Variants in RHBDF2 observed in about 807,000 individuals in gnomAD.
The protein encoded by RHBDF2 is inactive rhomboid protein 2.
Under a neutral mutation model 95.2 loss-of-function variants are expected in RHBDF2, and 38 were observed. The ratio of observed to expected loss-of-function variants is 0.40; its 90% CI spans 0.31 to 0.52. RHBDF2 has a LOEUF of 0.52. RHBDF2 is among the 20% of genes least tolerant of loss of function. The pLI is 0.56. For missense variants in RHBDF2, 863 were observed against 1,137.7 expected (o/e 0.76, Z 3.47); for synonymous variants, 442 against 462.0 (o/e 0.96, Z 0.55).
rs1003036329 is a variant in RHBDF2, at chr17:76,477,720, C to T, written c.738G>A (p.Pro246=). The T allele has an allele frequency of 1.3e-5, 21 of 1,614,054 alleles. No homozygotes were observed. Among genetic ancestry groups the T allele is most frequent in the African/African-American group, 1.2e-4 (9 of 75,056 alleles). The stretch of plus-strand genomic sequence containing the variant: ...CGACCACATCCTCCTCCAGGAAGCT[C>T]GGGAAGGCAAAGCTGCGCTTGACCA... ...CRVVKRSFAF[P]SFLEEDVVDG... The change falls in exon 7 of 19, where the codon CCG becomes CCA. Residue 246 remains proline, a synonymous_variant. Coordinates refer to ENST00000675367, the MANE Select transcript of RHBDF2 (RefSeq NM_001005498.4).
At position 76,474,739 on chromosome 17, in the gene RHBDF2, G is replaced by C. The variant is rs1385348928; in HGVS notation, c.1293C>G (p.Gly431=). Residue 431 remains glycine (G), a synonymous_variant, in exon 11 of 19, where the codon GGC becomes GGG. Transcript: ENST00000675367. ...KYIQQENFWV[G]PSSIDLIHLG... The stretch of plus-strand genomic sequence containing the variant: ...CAGCCTGGGCCCTCACCGAGCTGGG[G>C]CCAACCCAGAAGTTCTCCTGCTGGA... 4.3e-6 allele frequency: 7 copies of C among 1,614,084 alleles called. No homozygotes were observed. Among genetic ancestry groups the C allele is most frequent in the African/African-American group, 1.3e-5 (1 of 74,944 alleles).
At chr17:76,482,470 A>AT (rs1323446858) in intron 2 of RHBDF2, among the ~76,000 whole-genome samples, 1 of 151,128 alleles carries the variant, frequency 6.6e-6, no homozygotes, top group Non-Finnish European at 1.5e-5. Context: ...GCCCCAGTTC[A>AT]TTTTTCAAAG....
rs566447735 is a variant in RHBDF2, at chr17:76,479,548, C to T, written c.272+185G>A. Reference sequence around the variant, plus strand: ...CCCCAGCCTCCACACCGTGATATTCCGCAAAGCACATACCCATTTCCCCAT... The same window carrying T: ...CCCCAGCCTCCACACCGTGATATTCTGCAAAGCACATACCCATTTCCCCAT... On this transcript the variant is annotated intron_variant, in intron 4 of 18. Transcript: ENST00000675367. 1.1e-4 allele frequency: 81 copies of T among 738,708 alleles called. No individual in the cohort carries two copies. In the East Asian group the frequency reaches 1.4e-3, roughly 13 times the overall value. 45.8% of individuals were successfully genotyped at this position (738,708 alleles called of 1,614,324 possible). A position where few individuals can be genotyped will look rare whatever the true frequency, so the allele number is the denominator to read the frequency against.
intron 2 of RHBDF2, among the ~76,000 whole-genome samples, chr17:76,487,027 G>C (rs12946745): frequency 0.62 from 87,384 of 141,420 alleles, 26,686 homozygotes; most frequent in Middle Eastern, 0.79. Context: ...GGCACGATCT[G>C]AGCTCACTGC....
chr17:76,473,614 T>G, intron 15 of RHBDF2, 34 bp downstream of exon 15: 1 of 1,553,378 alleles, frequency 6.4e-7, no homozygotes, highest in Non-Finnish European at 8.7e-7. Context: ...GGGGGGGCAG[T>G]GGGATGGCTG....
intron 1 of RHBDF2, among the ~76,000 whole-genome samples, chr17:76,490,504 G>A (rs1333744951): frequency 6.6e-6 from 1 of 152,132 alleles, no homozygotes; most frequent in Admixed American, 6.5e-5. Flanking sequence ...GGCCTCCTTT[G>A]GGACCAGGGT....
At chr17:76,492,286 C>A (rs1007322728) in intron 1 of RHBDF2, among the ~76,000 whole-genome samples, 2 of 152,182 alleles carry the variant, frequency 1.3e-5, no homozygotes, top group African/African-American at 2.4e-5. Flanking sequence ...CCCTCCCCTG[C>A]CCAGGCTCAG....
intron 1 of RHBDF2, among the ~76,000 whole-genome samples, chr17:76,489,668 G>A (rs2074247650): frequency 6.6e-6 from 1 of 150,466 alleles, no homozygotes; most frequent in African/African-American, 2.4e-5. Flanking sequence ...CCTTTGAGGG[G>A]AACCCCAAGA....
At chr17:76,475,666 T>A (rs1459174742) in intron 9 of RHBDF2, among the ~76,000 whole-genome samples, 1 of 151,930 alleles carries the variant, frequency 6.6e-6, no homozygotes, top group African/African-American at 2.4e-5. Flanking sequence ...CACTGCAACC[T>A]TCGCCCCCAG....
At chr17:76,472,244 T>C (rs978902078) in intron 18 of RHBDF2, 192 bp from the exon 19 acceptor site, 3 of 619,178 alleles carry the variant, frequency 4.8e-6, no homozygotes, top group South Asian at 3.9e-5. Context: ...CAGCAAACAC[T>C]GAGCGCCTAC....
chr17:76,479,322 C>T (rs761459543), intron 4 of RHBDF2, 45 bp from the exon 5 acceptor site: 1 of 1,551,398 alleles, frequency 6.4e-7, no homozygotes, highest in South Asian at 1.2e-5. Context: ...CTTGTCTACG[C>T]CTGTGCACCT....
intron 2 of RHBDF2, among the ~76,000 whole-genome samples, chr17:76,485,092 T>G (rs2074084072): frequency 6.6e-6 from 1 of 150,772 alleles, no homozygotes. Flanking sequence ...GCCAACATGG[T>G]GAAACCCCAT....
chr17:76,473,165 A>G, intron 16 of RHBDF2, 60 bp from the exon 17 acceptor site: 2 of 1,588,812 alleles, frequency 1.3e-6, no homozygotes, highest in East Asian at 2.2e-5. Context: ...AGGCTCCGAC[A>G]TGGGAGGGAG....
chr17:76,497,378 T>C (rs2074452444), intron 1 of RHBDF2, among the ~76,000 whole-genome samples: 1 of 152,136 alleles, frequency 6.6e-6, no homozygotes, highest in African/African-American at 2.4e-5. Flanking sequence ...CAGCAGTTCA[T>C]GCCCAGATGG....
intron 10 of RHBDF2, 38 bp downstream of exon 10, chr17:76,474,992 A>C: frequency 1.3e-6 from 2 of 1,522,880 alleles, no homozygotes; most frequent in Non-Finnish European, 1.8e-6. Context: ...CTCCTAGGAG[A>C]GGCTGGGACC....
intron 2 of RHBDF2, chr17:76,481,928 C>A (rs977866484): frequency 1.2e-5 from 2 of 173,392 alleles, no homozygotes; most frequent in Non-Finnish European, 2.4e-5. Flanking sequence ...TCCAGCCTGG[C>A]GACAGAGCAA....
intron 3 of RHBDF2, 136 bp downstream of exon 3, chr17:76,481,239 C>G: frequency 3.0e-6 from 3 of 1,007,478 alleles, no homozygotes; most frequent in Non-Finnish European, 4.3e-6. Flanking sequence ...GGGTAGGGCC[C>G]GAGTCAAGGG....
At position 76,472,846 on chromosome 17, in the gene RHBDF2, G is replaced by A. The variant is rs200570098; in HGVS notation, c.1911-7C>T. ...CACGAGGCAGTGCACCACGCTGGGG[G>A]AGGGACACACCAGGCAGCGGCCTTC... On this transcript the variant is annotated splice_polypyrimidine_tract_variant and splice_region_variant and intron_variant, in intron 17 of 18. Coordinates refer to ENST00000675367, the MANE Select transcript of RHBDF2 (RefSeq NM_001005498.4). The A allele has an allele frequency of 4.2e-5, 66 of 1,585,380 alleles. No individual in the cohort carries two copies. In the African/African-American group the frequency reaches 7.8e-4, roughly 19 times the overall value.
In RHBDF2 at chr17:76,479,840, G is replaced by C. The variant is rs777071475; in HGVS notation, c.165C>G (p.Ala55=). The C allele has an allele frequency of 5.6e-6, 9 of 1,613,058 alleles. No individual in the cohort carries two copies. The East Asian group carries it at 1.8e-4, about 32-fold the overall frequency. Residue 55 remains alanine (A), a synonymous_variant, in exon 4 of 19, where the codon GCC becomes GCG. Coordinates refer to ENST00000675367, the MANE Select transcript of RHBDF2 (RefSeq NM_001005498.4). ...DSMLPERKNP[A]YLKSVSLQEP... is the part of the protein sequence containing the mutation. Reference sequence around the variant, plus strand: ...CCTGGAGGCTGACGCTCTTCAAGTAGGCTGGGTTCTTCCTCTTGGGGAGGA... The same window carrying C: ...CCTGGAGGCTGACGCTCTTCAAGTACGCTGGGTTCTTCCTCTTGGGGAGGA...
Sources: allele counts gnomAD v4.1 joint callset (sites outside exome capture counted in the v4.1 genomes callset), GRCh38; gene constraint gnomAD v4.1.1; transcripts MANE v1.5; gene names NCBI Gene and HGNC (gene_info 2026-07-23, HGNC 2026-07-21).